GPBP1L1: variants seen among roughly 807,000 people sequenced by gnomAD.
The protein encoded by GPBP1L1 is vasculin-like protein 1.
A neutral mutation model predicts 52.5 loss-of-function variants in GPBP1L1; 23 were observed. The observed-to-expected ratio is 0.44, with a 90% CI of 0.32 to 0.62. The LOEUF (loss-of-function observed/expected upper bound fraction) is 0.62, where lower values mean the gene tolerates loss of function less well. Among genes scored for constraint, GPBP1L1 ranks in the 20% least tolerant of loss-of-function variants. GPBP1L1 has a pLI of 0.06. For missense variants in GPBP1L1, 596 were observed against 579.3 expected (o/e 1.03, Z -0.30); for synonymous variants, 243 against 203.1 (o/e 1.20, Z -1.67).
At chr1:45,640,150 T>C (rs1174646615) in intron 8 of GPBP1L1, 60 bp downstream of exon 8, 1 of 1,358,028 alleles carries the variant, frequency 7.4e-7, no homozygotes, top group Non-Finnish European at 1.0e-6. Context: ...TATTAATTTT[T>C]TCCTGATTTA....
Position 45,686,435 on chromosome 1 carries a change from A to G in GPBP1L1, c.-1166T>C, listed in dbSNP as rs931228206. The G allele has an allele frequency of 1.3e-5, 2 of 152,414 alleles. No individual in the cohort carries two copies. Among genetic ancestry groups the G allele is most frequent in the Non-Finnish European group, 2.9e-5 (2 of 68,174 alleles). The allele number at this position is 152,414 out of a possible 1,614,324, so 9.4% of individuals were successfully genotyped here. Reference sequence around the variant, plus strand: ...ACCGGGCAGCGGCGGAGCTATGGCCAGGGACTAGACGCTGCGTCTGAGGAC... The same window carrying G: ...ACCGGGCAGCGGCGGAGCTATGGCCGGGGACTAGACGCTGCGTCTGAGGAC... On this transcript the variant is annotated 5_prime_UTR_variant, in exon 1 of 13. Coordinates refer to ENST00000355105, the MANE Select transcript of GPBP1L1 (RefSeq NM_021639.5).
At chr1:45,651,728 T>G in intron 6 of GPBP1L1, 1 of 419,584 alleles carries the variant, frequency 2.4e-6, no homozygotes, top group Non-Finnish European at 4.3e-6. Context: ...CTTAGGCCTT[T>G]TCTTAAATAG....
At chr1:45,650,540 G>A (rs1055237951) in intron 6 of GPBP1L1, among the ~76,000 whole-genome samples, 1 of 152,106 alleles carries the variant, frequency 6.6e-6, no homozygotes, top group Non-Finnish European at 1.5e-5. Context: ...AACAATATAG[G>A]ACTGTTAATT....
At chr1:45,675,362 A>G (rs1301944523) in intron 2 of GPBP1L1, among the ~76,000 whole-genome samples, 1 of 152,120 alleles carries the variant, frequency 6.6e-6, no homozygotes, top group East Asian at 1.9e-4. Context: ...GGCCCATTAC[A>G]ATGCATTACA....
At chr1:45,683,728 T>TC (rs1645241187) in intron 2 of GPBP1L1, among the ~76,000 whole-genome samples, 1 of 95,390 alleles carries the variant, frequency 1.0e-5, no homozygotes, top group Non-Finnish European at 2.0e-5. Context: ...GGATGAACCC[T>TC]CCCCCTCCTC....
At chr1:45,637,226 T>A (rs1237139688) in intron 8 of GPBP1L1, among the ~76,000 whole-genome samples, 1 of 152,230 alleles carries the variant, frequency 6.6e-6, no homozygotes, top group East Asian at 1.9e-4. Flanking sequence ...TGTTTACTAC[T>A]CAGATACTCA....
At chr1:45,674,135 T>A (rs910772618) in intron 2 of GPBP1L1, among the ~76,000 whole-genome samples, 4 of 152,214 alleles carry the variant, frequency 2.6e-5, no homozygotes, top group Non-Finnish European at 5.9e-5. Flanking sequence ...ACTGTTTACA[T>A]GTTCCTTAGC....
At chr1:45,652,991 TTTG>T (rs1644837374) in intron 6 of GPBP1L1, among the ~76,000 whole-genome samples, 1 of 152,228 alleles carries the variant, frequency 6.6e-6, no homozygotes, top group Admixed American at 6.5e-5. Context: ...TTCTGGACTA[TTTG>T]TTATCTAGAA....
intron 6 of GPBP1L1, among the ~76,000 whole-genome samples, chr1:45,649,257 A>G (rs947884269): frequency 2.0e-5 from 3 of 152,186 alleles, no homozygotes; most frequent in East Asian, 1.9e-4. Flanking sequence ...CCTTAAAAGG[A>G]TATCTTTTAC....
At chr1:45,657,661 G>T (rs1049268165) in intron 4 of GPBP1L1, among the ~76,000 whole-genome samples, 6 of 152,012 alleles carry the variant, frequency 3.9e-5, no homozygotes, top group Non-Finnish European at 7.4e-5. Context: ...GACCACCTTG[G>T]GCAACATGGT....
At chr1:45,664,973 T>C (rs1293451292) in intron 2 of GPBP1L1, among the ~76,000 whole-genome samples, 1 of 151,476 alleles carries the variant, frequency 6.6e-6, no homozygotes, top group Non-Finnish European at 1.5e-5. Context: ...CCACTGCACC[T>C]GGCCTCATAG....
chr1:45,685,002 T>C lies in GPBP1L1; in HGVS notation c.-1098+574A>G, dbSNP rs936037726. 8.5e-5 allele frequency among the ~76,000 whole-genome samples: 13 copies of C among 152,244 alleles called. No individual in the cohort carries two copies. In the East Asian group the frequency reaches 1.2e-3, roughly 14 times the overall value. On this transcript the variant is annotated intron_variant, in intron 2 of 12. Transcript: ENST00000355105. ...ACAGGCTTCAGCACCTTTCCAAATATTGAAATTTATTGGTTTTGGTTTCCA... is the reference window on the plus strand; with the variant it reads ...ACAGGCTTCAGCACCTTTCCAAATACTGAAATTTATTGGTTTTGGTTTCCA...
chr1:45,630,785 A>T (rs1032603862), intron 10 of GPBP1L1, 179 bp from the exon 11 acceptor site: 1 of 613,330 alleles, frequency 1.6e-6, no homozygotes, highest in African/African-American at 1.8e-5. Flanking sequence ...CTGATTCTAA[A>T]GTTTTAATGA....
intron 2 of GPBP1L1, among the ~76,000 whole-genome samples, chr1:45,677,437 T>G (rs1422470441): frequency 6.6e-6 from 1 of 151,478 alleles, no homozygotes; most frequent in Non-Finnish European, 1.5e-5. Context: ...AAGTCAAGAC[T>G]ACAGTGAGCT....
intron 6 of GPBP1L1, among the ~76,000 whole-genome samples, chr1:45,648,463 T>C (rs771281996): frequency 5.3e-5 from 8 of 152,244 alleles, no homozygotes; most frequent in Non-Finnish European, 1.0e-4. Flanking sequence ...GATTAACTGC[T>C]GCTCTTCTCA....
intron 3 of GPBP1L1, 61 bp downstream of exon 3, chr1:45,660,122 AT>A (rs1188495307): frequency 1.3e-5 from 12 of 916,342 alleles, no homozygotes; most frequent in Non-Finnish European, 1.3e-5. Context: ...AGCAGTCGGT[AT>A]TTTTCATGAT....
chr1:45,681,758 A>AC (rs1645215060), intron 2 of GPBP1L1, among the ~76,000 whole-genome samples: 1 of 152,250 alleles, frequency 6.6e-6, no homozygotes, highest in Admixed American at 6.5e-5. Context: ...AAACAGGCAA[A>AC]CAGTCTCATT....
At chr1:45,674,286 T>A (rs747292324) in intron 2 of GPBP1L1, among the ~76,000 whole-genome samples, 1 of 152,186 alleles carries the variant, frequency 6.6e-6, no homozygotes, top group Non-Finnish European at 1.5e-5. Flanking sequence ...TTTGGATAAG[T>A]AGAAGATTAA....
intron 2 of GPBP1L1, among the ~76,000 whole-genome samples, chr1:45,676,160 G>T (rs1259049874): frequency 6.6e-6 from 1 of 152,030 alleles, no homozygotes; most frequent in Non-Finnish European, 1.5e-5. Context: ...TTCTACTTTA[G>T]TACTACTTAT....
Sources: allele counts gnomAD v4.1 joint callset (sites outside exome capture counted in the v4.1 genomes callset), GRCh38; gene constraint gnomAD v4.1.1; transcripts MANE v1.5; gene names NCBI Gene and HGNC (gene_info 2026-07-23, HGNC 2026-07-21).